The following CCDC88A variants were observed in gnomAD, a reference collection of about 807,000 sequenced individuals.
The protein encoded by CCDC88A is girdin.
Under a neutral mutation model 234.3 loss-of-function variants are expected in CCDC88A, and 54 were observed. The observed-to-expected ratio is 0.23, with a 90% CI of 0.19 to 0.29. The LOEUF (loss-of-function observed/expected upper bound fraction) is 0.29, where lower values mean the gene tolerates loss of function less well. CCDC88A is among the 10% of genes least tolerant of loss of function. The pLI, the probability that CCDC88A is intolerant of heterozygous loss-of-function variation, is 1.00. For synonymous variants in CCDC88A, 753 were observed against 737.8 expected (o/e 1.02, Z -0.33); for missense variants, 1,832 against 2,123.4 (o/e 0.86, Z 2.70).
intron 6 of CCDC88A, 46 bp from the exon 7 acceptor site, chr2:55,362,494 C>A (rs1671450462): frequency 1.3e-6 from 2 of 1,536,846 alleles, no homozygotes; most frequent in Non-Finnish European, 1.8e-6. Context: ...GTGGCTAATA[C>A]TTAAAAATCT....
chr2:55,385,681 C>T (rs982001859), intron 3 of CCDC88A, among the ~76,000 whole-genome samples: 38 of 150,330 alleles, frequency 2.5e-4, no homozygotes, highest in African/African-American at 9.3e-4. Context: ...GGTGAAACCA[C>T]ACCTCTCATA....
In CCDC88A at chr2:55,363,935, T is replaced by G. The variant is rs767687980; in HGVS notation, c.486+15A>C. On this transcript the variant is annotated intron_variant, in intron 6 of 32. Coordinates refer to ENST00000436346, the MANE Select transcript of CCDC88A (RefSeq NM_001365480.1). Reference sequence around the variant, plus strand: ...GCTTCATAAATAGCACGTAAAATTGTATATATGTCATTACCTCTTGAATAT... The same window carrying G: ...GCTTCATAAATAGCACGTAAAATTGGATATATGTCATTACCTCTTGAATAT... 3 of 1,463,360 alleles carry G rather than the reference T, an allele frequency of 2.1e-6. No individual in the cohort carries two copies. The highest frequency in any genetic ancestry group is 2.9e-6 in the Non-Finnish European group (3 of 1,051,742). The allele number at this position is 1,463,360 out of a possible 1,614,324, so 90.6% of individuals were successfully genotyped here. A position where few individuals can be genotyped will look rare whatever the true frequency, so the allele number is the denominator to read the frequency against.
At chr2:55,411,779 CAAAAAAAA>C (rs778872176) in intron 2 of CCDC88A, among the ~76,000 whole-genome samples, 27 of 23,332 alleles carry the variant, frequency 1.2e-3, no homozygotes, top group African/African-American at 3.6e-3. Flanking sequence ...GACTCCGTCT[CAAAAAAAA>C]AAAAAAAAAA....
chr2:55,296,214 T>C, intron 30 of CCDC88A, 44 bp downstream of exon 30: 3 of 1,539,350 alleles, frequency 1.9e-6, no homozygotes, highest in Non-Finnish European at 1.8e-6. Context: ...GAAATTTAAC[T>C]TGTGGTGTTC....
Position 55,336,822 on chromosome 2 carries a change from G to C in CCDC88A, c.1519-4C>G. The C allele has an allele frequency of 6.5e-7, 1 of 1,538,578 alleles. No individual in the cohort carries two copies. The highest frequency in any genetic ancestry group is 8.9e-7 in the Non-Finnish European group (1 of 1,127,866). On this transcript the variant is annotated splice_region_variant and splice_polypyrimidine_tract_variant and intron_variant, in intron 13 of 32. Transcript: ENST00000436346. ...TCTCATTTTCAAGAATCTCAACCTA[G>C]AGAAAATTAAATCACAAAACAATAC...
At chr2:55,411,798 A>AAAAAAAAAAC (rs1558849341) in intron 2 of CCDC88A, among the ~76,000 whole-genome samples, 1 of 120,532 alleles carries the variant, frequency 8.3e-6, no homozygotes, top group Non-Finnish European at 1.7e-5. Context: ...AAAAAAAAAA[A>AAAAAAAAAAC]AAAAACTCAA....
chr2:55,301,099 GAAA>G (rs1211831485), intron 28 of CCDC88A, 104 bp downstream of exon 28: 1 of 688,044 alleles, frequency 1.5e-6, no homozygotes, highest in African/African-American at 1.8e-5. Flanking sequence ...GCAGGATAGA[GAAA>G]ACATGCTTGC....
At chr2:55,410,869 G>A (rs1680363327) in intron 2 of CCDC88A, among the ~76,000 whole-genome samples, 1 of 150,284 alleles carries the variant, frequency 6.7e-6, no homozygotes, top group Non-Finnish European at 1.5e-5. Context: ...TTCCAGTCTC[G>A]GCAAGAGAGA....
chr2:55,294,667 G>A, intron 31 of CCDC88A: 1 of 990,250 alleles, frequency 1.0e-6, no homozygotes, highest in Non-Finnish European at 1.2e-6. Flanking sequence ...GGAAGGGAGG[G>A]AGGAAATGAA....
At chr2:55,404,971 C>T (rs952341916) in intron 2 of CCDC88A, 2 of 152,204 alleles carry the variant, frequency 1.3e-5, no homozygotes, top group South Asian at 2.1e-4. Context: ...GCAGGTAATC[C>T]GCAAGCCTCG....
At chr2:55,418,115 G>C (rs1270615122) in intron 2 of CCDC88A, 1 of 152,044 alleles carries the variant, frequency 6.6e-6, no homozygotes, top group Admixed American at 6.6e-5. Context: ...TTCCTACTTA[G>C]TACAAACCCA....
chr2:55,388,363 T>C (rs1052762988), intron 3 of CCDC88A, among the ~76,000 whole-genome samples: 1 of 152,064 alleles, frequency 6.6e-6, no homozygotes, highest in Non-Finnish European at 1.5e-5. Flanking sequence ...GCAATGCAGA[T>C]ATAGCAATTT....
intron 22 of CCDC88A, chr2:55,312,899 A>G: frequency 5.5e-6 from 1 of 182,518 alleles, no homozygotes; most frequent in Non-Finnish European, 1.2e-5. Flanking sequence ...AGATTCAAAT[A>G]TCTAATATTT....
At chr2:55,351,637 T>C (rs1298050493) in intron 8 of CCDC88A, among the ~76,000 whole-genome samples, 3 of 152,258 alleles carry the variant, frequency 2.0e-5, no homozygotes, top group Non-Finnish European at 4.4e-5. Flanking sequence ...TAAGCCACCA[T>C]GCCCTGCCTC....
At position 55,336,706 on chromosome 2, in the gene CCDC88A, G is replaced by C. The variant is rs1308843490; in HGVS notation, c.1631C>G (p.Thr544Arg). The change falls in exon 14 of 33, where the codon ACA becomes AGA. Residue 544 changes from threonine to arginine, a missense_variant. By Grantham distance (71) the Thr-to-Arg change is moderately conservative. Transcript: ENST00000436346. ...CTGTCTCTCTGAATTTTCTCTCAGT[G>C]TTTCTATTGTTTTTTCAAGCTGAGC... ...EKAQLEKTIE[T>R]LRENSERQIK... The C allele has an allele frequency of 6.3e-7, 1 of 1,581,728 alleles. No individual in the cohort carries two copies. The highest frequency in any genetic ancestry group is 2.3e-5 in the East Asian group (1 of 42,868).
chr2:55,348,907 T>C (rs561935371), intron 9 of CCDC88A: 1 of 152,326 alleles, frequency 6.6e-6, no homozygotes, highest in African/African-American at 2.4e-5. Flanking sequence ...ATGGGGAAGT[T>C]AAGGGAAGAA....
chr2:55,312,195 T>G (rs536012735), intron 23 of CCDC88A, among the ~76,000 whole-genome samples: 1 of 152,316 alleles, frequency 6.6e-6, no homozygotes, highest in African/African-American at 2.4e-5. Flanking sequence ...CATTATAGAA[T>G]TACTGTATTT....
At position 55,334,911 on chromosome 2, in the gene CCDC88A, A is replaced by T; in HGVS notation, c.1910T>A (p.Leu637His). The T allele has an allele frequency of 1.3e-6, 2 of 1,517,320 alleles. No homozygotes were observed. Among genetic ancestry groups the T allele is most frequent in the Non-Finnish European group, 1.8e-6 (2 of 1,118,970 alleles). 94.0% of individuals were successfully genotyped at this position (1,517,320 alleles called of 1,614,324 possible). The change falls in exon 15 of 33, where the codon CTT becomes CAT. Residue 637 changes from leucine (L) to histidine (H), a missense_variant. Coordinates refer to ENST00000436346, the MANE Select transcript of CCDC88A (RefSeq NM_001365480.1). The surrounding 1 kb of genome is among the most constrained non-coding windows in gnomAD (Gnocchi z 6.1). Reference protein sequence around the residue: ...AEELENELHHLEKENELLQKK... With the variant: ...AEELENELHHHEKENELLQKK... Reference sequence around the variant, plus strand: ...CTGTAATAATTCATTTTCTTTTTCAAGATGATGCAATTCATTTTCAAGTTC... The same window carrying T: ...CTGTAATAATTCATTTTCTTTTTCATGATGATGCAATTCATTTTCAAGTTC...
At chr2:55,390,933 T>C (rs186445336) in intron 2 of CCDC88A, among the ~76,000 whole-genome samples, 2 of 152,278 alleles carry the variant, frequency 1.3e-5, no homozygotes, top group East Asian at 3.9e-4. Flanking sequence ...TGAGGCCAGG[T>C]ATTCAAGACC....
Sources: gnomAD v4.1 joint callset for allele counts (sites outside exome capture counted in the v4.1 genomes callset) on GRCh38, gnomAD v4.1.1 for gene constraint, Gnocchi (gnomAD v3.1) non-coding constraint, MANE v1.5 for transcripts, NCBI Gene and HGNC (gene_info 2026-07-23, HGNC 2026-07-21) for gene names.